Variants in RBFOX1 observed in about 807,000 individuals in gnomAD.
RBFOX1 encodes the protein RNA binding protein fox-1 homolog 1.
A neutral mutation model predicts 57.7 loss-of-function variants in RBFOX1; 8 were observed. That is an observed-to-expected ratio of 0.14 (90% CI 0.08 to 0.25). RBFOX1 has a LOEUF of 0.25. RBFOX1 is among the 10% of genes least tolerant of loss of function. RBFOX1 has a pLI of 1.00. For missense variants in RBFOX1, 611 were observed against 548.5 expected (o/e 1.11, Z -1.14); for synonymous variants, 326 against 222.4 (o/e 1.47, Z -4.15).
chr16:7,356,779 G>C (rs1236477110), intron 4 of RBFOX1, among the ~76,000 whole-genome samples: 5 of 152,236 alleles, frequency 3.3e-5, no homozygotes, highest in Non-Finnish European at 7.3e-5. Context: ...CATGGCTTCT[G>C]CAGTGCCTTT....
chr16:6,468,722 T>G (rs73540093), intron 2 of RBFOX1, among the ~76,000 whole-genome samples: 3,457 of 152,272 alleles, frequency 0.023, 110 homozygotes, highest in African/African-American at 0.068. Flanking sequence ...GATTTTTGCT[T>G]CTCTTGCTCA....
intron 3 of RBFOX1, among the ~76,000 whole-genome samples, chr16:5,664,616 G>A (rs10852662): frequency 0.11 from 16,618 of 152,162 alleles, 1,173 homozygotes; most frequent in East Asian, 0.24. Context: ...CTGATATGCA[G>A]CAAACTCCCT....
At chr16:5,888,928 A>G (rs375828578) in intron 4 of RBFOX1, among the ~76,000 whole-genome samples, 5 of 152,062 alleles carry the variant, frequency 3.3e-5, no homozygotes, top group African/African-American at 9.7e-5. Context: ...AAACCTTCCT[A>G]GATACTGGGA....
At chr16:7,175,355 G>T (rs1257310232) in intron 4 of RBFOX1, among the ~76,000 whole-genome samples, 1 of 151,792 alleles carries the variant, frequency 6.6e-6, no homozygotes, top group Admixed American at 6.6e-5. Context: ...AGTGAATCTT[G>T]AGGAATCTTA....
At chr16:5,577,866 C>A (rs1305387003) in intron 2 of RBFOX1, among the ~76,000 whole-genome samples, 1 of 152,116 alleles carries the variant, frequency 6.6e-6, no homozygotes, top group Non-Finnish European at 1.5e-5. Flanking sequence ...TTGGTGCAGC[C>A]TAATATAAAG....
intron 4 of RBFOX1, among the ~76,000 whole-genome samples, chr16:7,206,859 A>G (rs2090088976): frequency 6.6e-6 from 1 of 152,178 alleles, no homozygotes; most frequent in African/African-American, 2.4e-5. Context: ...ATCAGAAAAA[A>G]AAAATGGAGA....
intron 5 of RBFOX1, among the ~76,000 whole-genome samples, chr16:7,530,335 G>C (rs550769683): frequency 6.6e-6 from 1 of 151,992 alleles, no homozygotes; most frequent in African/African-American, 2.4e-5. Flanking sequence ...ACACATACCC[G>C]GGGTTATCTC....
At chr16:6,603,801 C>T (rs1476736354) in intron 2 of RBFOX1, among the ~76,000 whole-genome samples, 1 of 152,098 alleles carries the variant, frequency 6.6e-6, no homozygotes, top group Non-Finnish European at 1.5e-5. Context: ...TTTTTTATTT[C>T]TCGTCCTGCT....
chr16:5,837,363 C>T (rs13330468), intron 3 of RBFOX1, among the ~76,000 whole-genome samples: 61,185 of 151,788 alleles, frequency 0.4, 12,972 homozygotes, highest in East Asian at 0.61. Flanking sequence ...GTCCAGCTGG[C>T]AGAATCCTAA....
At chr16:6,704,940 T>G (rs2062462468) in intron 3 of RBFOX1, 1 of 152,212 alleles carries the variant, frequency 6.6e-6, no homozygotes, top group South Asian at 2.1e-4. Flanking sequence ...GGATCGCACT[T>G]ATCCAAGTCG....
chr16:7,306,384 T>C (rs1349503204), intron 4 of RBFOX1, among the ~76,000 whole-genome samples: 2 of 152,194 alleles, frequency 1.3e-5, no homozygotes, highest in African/African-American at 2.4e-5. Flanking sequence ...AAGGGGAGGC[T>C]TGAAGAAAAC....
At chr16:6,674,457 G>C (rs901487938) in intron 3 of RBFOX1, among the ~76,000 whole-genome samples, 1 of 152,046 alleles carries the variant, frequency 6.6e-6, no homozygotes, top group Non-Finnish European at 1.5e-5. Flanking sequence ...GAGTAGCTGG[G>C]ATTATAGGCA....
At chr16:6,561,162 C>T (rs1315247439) in intron 2 of RBFOX1, among the ~76,000 whole-genome samples, 2 of 152,094 alleles carry the variant, frequency 1.3e-5, no homozygotes, top group East Asian at 3.9e-4. Context: ...TGGAAGGCTT[C>T]CCTCCTTAAA....
At chr16:6,556,976 CACAT>C (rs1161885566) in intron 2 of RBFOX1, among the ~76,000 whole-genome samples, 3 of 145,642 alleles carry the variant, frequency 2.1e-5, no homozygotes, top group Non-Finnish European at 4.5e-5. Flanking sequence ...TAAATATACA[CACAT>C]ACGTATATAT....
chr16:5,553,489 G>A (rs1473189288), intron 2 of RBFOX1, among the ~76,000 whole-genome samples: 1 of 151,778 alleles, frequency 6.6e-6, no homozygotes, highest in African/African-American at 2.4e-5. Context: ...CTAATTTTTT[G>A]TATTTTTAGT....
At chr16:5,604,232 G>A (rs1174680347), downstream of RBFOX1, among the ~76,000 whole-genome samples, 1 of 152,202 alleles carries the variant, frequency 6.6e-6, no homozygotes, top group African/African-American at 2.4e-5. Flanking sequence ...AAGAGACTAA[G>A]TGGCTTCAAA....
chr16:7,521,758 C>T (rs998817207), intron 5 of RBFOX1, among the ~76,000 whole-genome samples: 2 of 152,166 alleles, frequency 1.3e-5, no homozygotes, highest in African/African-American at 4.8e-5. Flanking sequence ...GAGGGTTATA[C>T]CTTTCAGAGA....
rs140308858 is a variant in RBFOX1 at position 6,694,120 on chromosome 16, A to G, written c.-16+39470A>G. 6.0e-4 allele frequency among the ~76,000 whole-genome samples: 92 copies of G among 152,340 alleles called. 1 individual carries two copies. The highest frequency in any genetic ancestry group is 2.1e-3 in the African/African-American group (88 of 41,576). ...ACACCCAGGTTTGGAGAAGAGTTTC[A>G]TCTTTTGTTTAACCTCATCATGACT... On this transcript the variant is annotated intron_variant, in intron 3 of 15. Coordinates refer to ENST00000550418, the MANE Select transcript of RBFOX1 (RefSeq NM_018723.4).
At chr16:7,509,918 C>T (rs1163899011) in intron 4 of RBFOX1, among the ~76,000 whole-genome samples, 2 of 151,394 alleles carry the variant, frequency 1.3e-5, no homozygotes, top group Non-Finnish European at 2.9e-5. Flanking sequence ...TGCATAGAAT[C>T]GCATTTCTAA....
Sources: gnomAD v4.1 joint callset for allele counts (sites outside exome capture counted in the v4.1 genomes callset) on GRCh38, gnomAD v4.1.1 for gene constraint, MANE v1.5 for transcripts, NCBI Gene and HGNC (gene_info 2026-07-23, HGNC 2026-07-21) for gene names.